CSGALNACT1: variants seen among roughly 807,000 people sequenced by gnomAD.
The protein encoded by CSGALNACT1 is chondroitin sulfate N-acetylgalactosaminyltransferase 1, also known as beta4GalNAcT-1.
Under a neutral mutation model 51.0 loss-of-function variants are expected in CSGALNACT1, and 52 were observed. That is an observed-to-expected ratio of 1.02 (90% CI 0.82 to 1.29). The LOEUF (loss-of-function observed/expected upper bound fraction) is 1.29. Among genes scored for constraint, CSGALNACT1 ranks in the 50% most tolerant of loss-of-function variants. CSGALNACT1 has a pLI of 0.00. For missense variants in CSGALNACT1, 935 were observed against 679.2 expected (o/e 1.38, Z -4.19); for synonymous variants, 341 against 254.4 (o/e 1.34, Z -3.24).
intron 3 of CSGALNACT1, among the ~76,000 whole-genome samples, chr8:19,521,354 A>G (rs2080649896): frequency 1.3e-5 from 2 of 152,302 alleles, no homozygotes; most frequent in South Asian, 4.1e-4. Flanking sequence ...AAGTACACCA[A>G]TTACATGAGG....
chr8:19,747,473 T>C (rs981828097), intron 1 of CSGALNACT1, among the ~76,000 whole-genome samples: 18 of 152,264 alleles, frequency 1.2e-4, no homozygotes, highest in African/African-American at 4.1e-4. Context: ...CCAGATATAT[T>C]AATGGGGAAA....
intron 1 of CSGALNACT1, among the ~76,000 whole-genome samples, chr8:19,612,366 A>C (rs1044625453): frequency 6.6e-6 from 1 of 152,098 alleles, no homozygotes; most frequent in Non-Finnish European, 1.5e-5. Context: ...AATTGAAAAA[A>C]AAAATTCTCC....
intron 1 of CSGALNACT1, among the ~76,000 whole-genome samples, chr8:19,708,250 G>A (rs2062295992): frequency 6.6e-6 from 1 of 152,212 alleles, no homozygotes; most frequent in African/African-American, 2.4e-5. Context: ...AATGTGCACA[G>A]CACGTAGGTC....
chr8:19,436,550 T>G (rs1357529773), intron 6 of CSGALNACT1, among the ~76,000 whole-genome samples: 1 of 152,184 alleles, frequency 6.6e-6, no homozygotes, highest in East Asian at 1.9e-4. Context: ...AACAAAAGCT[T>G]TATCACCTTA....
At chr8:19,614,039 T>C (rs543851930) in intron 1 of CSGALNACT1, among the ~76,000 whole-genome samples, 12 of 152,208 alleles carry the variant, frequency 7.9e-5, no homozygotes, top group Non-Finnish European at 1.8e-4. Flanking sequence ...AGTTTCATTG[T>C]TGTGGAAGAT....
At chr8:19,672,847 A>C (rs1446488061) in intron 1 of CSGALNACT1, among the ~76,000 whole-genome samples, 2 of 152,230 alleles carry the variant, frequency 1.3e-5, no homozygotes, top group African/African-American at 4.8e-5. Context: ...ATAAAAATAA[A>C]AAAACAGGCT....
At chr8:19,716,602 A>C (rs2062819616) in intron 1 of CSGALNACT1, among the ~76,000 whole-genome samples, 1 of 87,452 alleles carries the variant, frequency 1.1e-5, no homozygotes, top group Admixed American at 1.7e-4. Flanking sequence ...ACATGGTAAA[A>C]CCCTCTCTAC....
intron 1 of CSGALNACT1, among the ~76,000 whole-genome samples, chr8:19,723,259 A>C (rs1197301684): frequency 6.6e-6 from 1 of 152,240 alleles, no homozygotes; most frequent in Non-Finnish European, 1.5e-5. Context: ...GTATACACCC[A>C]AATAAATGAA....
intron 1 of CSGALNACT1, among the ~76,000 whole-genome samples, chr8:19,662,089 C>T (rs1017223984): frequency 1.4e-4 from 16 of 114,804 alleles, no homozygotes; most frequent in Non-Finnish European, 2.3e-4. Flanking sequence ...CCCCCCCCCC[C>T]GCATCTTCAG....
At chr8:19,475,714 C>A (rs2069426291) in intron 4 of CSGALNACT1, among the ~76,000 whole-genome samples, 3 of 152,180 alleles carry the variant, frequency 2.0e-5, no homozygotes, top group Non-Finnish European at 2.9e-5. Flanking sequence ...ACAGGAACAT[C>A]CTTTTTCACA....
chr8:19,741,582 G>A (rs62494510), intron 1 of CSGALNACT1, among the ~76,000 whole-genome samples: 1 of 149,520 alleles, frequency 6.7e-6, no homozygotes, highest in Non-Finnish European at 1.5e-5. Context: ...AAAAAAAAGG[G>A]AGTCTTAGCC....
At chr8:19,675,014 T>C (rs573884610) in intron 1 of CSGALNACT1, among the ~76,000 whole-genome samples, 1 of 152,226 alleles carries the variant, frequency 6.6e-6, no homozygotes, top group Non-Finnish European at 1.5e-5. Context: ...AGATGCTCAA[T>C]TGACATCATC....
At chr8:19,683,185 G>T (rs1045223910), upstream of CSGALNACT1, 1 of 155,106 alleles carries the variant, frequency 6.4e-6, no homozygotes, top group African/African-American at 2.4e-5. Context: ...CACTTGGTCA[G>T]GCTTTTCCAC....
At chr8:19,661,831 T>A (rs984286872) in intron 1 of CSGALNACT1, among the ~76,000 whole-genome samples, 1 of 152,174 alleles carries the variant, frequency 6.6e-6, no homozygotes, top group Non-Finnish European at 1.5e-5. Flanking sequence ...TTTCTATTTC[T>A]CCCACCAGTT....
chr8:19,499,034 G>C (rs2075973671), intron 4 of CSGALNACT1, among the ~76,000 whole-genome samples: 1 of 152,174 alleles, frequency 6.6e-6, no homozygotes, highest in South Asian at 2.1e-4. Flanking sequence ...GGAATCACTT[G>C]AGCCCAGGAA....
intron 1 of CSGALNACT1, among the ~76,000 whole-genome samples, chr8:19,645,820 C>T (rs2057223341): frequency 6.6e-6 from 1 of 152,218 alleles, no homozygotes; most frequent in African/African-American, 2.4e-5. Flanking sequence ...CCTGACATTA[C>T]CCACTGGTTC....
At chr8:19,477,652 CTAGAG>C (rs1474858466) in intron 4 of CSGALNACT1, among the ~76,000 whole-genome samples, 1 of 152,204 alleles carries the variant, frequency 6.6e-6, no homozygotes, top group Admixed American at 6.5e-5. Context: ...AGGGCAGGCT[CTAGAG>C]CCGGGTGTGA....
At chr8:19,482,890 A>C (rs1399009081) in intron 4 of CSGALNACT1, among the ~76,000 whole-genome samples, 2 of 152,046 alleles carry the variant, frequency 1.3e-5, no homozygotes, top group Non-Finnish European at 2.9e-5. Flanking sequence ...TCACCCCTAC[A>C]ACTAAGCTGA....
chr8:19,553,902 AACACACACAC>A (rs34664028), intron 3 of CSGALNACT1, among the ~76,000 whole-genome samples: 87 of 147,562 alleles, frequency 5.9e-4, no homozygotes, highest in African/African-American at 2.0e-3. Flanking sequence ...GAACTCGTAG[AACACACACAC>A]ACACACACAC....
Sources: allele counts gnomAD v4.1 joint callset (sites outside exome capture counted in the v4.1 genomes callset), GRCh38; gene constraint gnomAD v4.1.1; transcripts MANE v1.5; gene names NCBI Gene and HGNC (gene_info 2026-07-23, HGNC 2026-07-21).